The following IRX1 variants were observed in gnomAD, a reference collection of about 807,000 sequenced individuals.
IRX1 encodes the protein iroquois-class homeodomain protein IRX-1.
Under a neutral mutation model 34.1 loss-of-function variants are expected in IRX1, and 22 were observed. The observed-to-expected ratio is 0.64, with a 90% CI of 0.46 to 0.92. IRX1 has a LOEUF of 0.92. Ranked by LOEUF, IRX1 falls within the 40% of genes least tolerant of loss-of-function variation. The probability of loss-of-function intolerance (pLI) is 0.00; values close to 1 mark genes in which losing one functional copy is unlikely to be tolerated. For synonymous variants in IRX1, 363 were observed against 319.0 expected (o/e 1.14, Z -1.47); for missense variants, 758 against 680.0 (o/e 1.11, Z -1.28).
chr5:3,596,000 C>G lies in IRX1; in HGVS notation c.-106C>G. ...CGCGCCCGGCCGGCCGCCCGCTCCT[C>G]CCTAGACCCCTCGCGGCGCCCCCTG... On this transcript the variant is annotated 5_prime_UTR_variant, in exon 1 of 4. Coordinates refer to ENST00000302006, the MANE Select transcript of IRX1 (RefSeq NM_024337.4). 1.4e-6 allele frequency: 1 copy of G among 703,242 alleles called. No homozygotes were observed. The highest frequency in any genetic ancestry group is 1.7e-6 in the Non-Finnish European group (1 of 571,610). The allele number at this position is 703,242 out of a possible 1,614,324, so 43.6% of individuals were successfully genotyped here. A position where few individuals can be genotyped will look rare whatever the true frequency, so the allele number is the denominator to read the frequency against.
At position 3,596,354 on chromosome 5, in the gene IRX1, C is replaced by A. The variant is rs761551743; in HGVS notation, c.249C>A (p.Ala83=). The A allele has an allele frequency of 1.3e-6, 2 of 1,539,650 alleles. No individual in the cohort carries two copies. Among genetic ancestry groups the A allele is most frequent in the Non-Finnish European group, 1.7e-6 (2 of 1,147,746 alleles). Residue 83 remains alanine, a synonymous_variant, in exon 1 of 4, where the codon GCC becomes GCA. Coordinates refer to ENST00000302006, the MANE Select transcript of IRX1 (RefSeq NM_024337.4). The part of the protein sequence containing the change: ...APNYSAFLPY[A]ADLSLFSQMG... ...ACTACAGCGCCTTCCTGCCCTACGC[C>A]GCGGATCTCAGCCTCTTCTCGCAGA...
At chr5:3,600,503 T>C (rs1186483975) in intron 2 of IRX1, 106 bp from the exon 3 acceptor site, 5 of 1,090,162 alleles carry the variant, frequency 4.6e-6, no homozygotes, top group Middle Eastern at 4.1e-4. Flanking sequence ...GGTGACGTTT[T>C]TCGGCGAATC....
intron 3 of IRX1, 73 bp downstream of exon 3, chr5:3,600,754 G>C: frequency 7.0e-7 from 1 of 1,431,530 alleles, no homozygotes; most frequent in South Asian, 1.2e-5. Flanking sequence ...GGACCCGGGC[G>C]GAGCTGGCTG....
At position 3,599,916 on chromosome 5, in the gene IRX1, C is replaced by A; in HGVS notation, c.968C>A (p.Ala323Asp). Residue 323 changes from alanine to aspartate, a missense_variant, in exon 2 of 4, where the codon GCC (alanine) becomes GAC (aspartate). Transcript: ENST00000302006. The surrounding 1 kb of genome is among the most constrained non-coding windows in gnomAD (Gnocchi z 6.6). Reference sequence around the variant, plus strand: ...AAGATCTGGTCGCTGGCGGAGACAGCCACGAGCCCCGACGGTGCGCCCAAG... The same window carrying A: ...AAGATCTGGTCGCTGGCGGAGACAGACACGAGCCCCGACGGTGCGCCCAAG... Reference protein sequence around the residue: ...KPKIWSLAETATSPDGAPKAS... With the variant: ...KPKIWSLAETDTSPDGAPKAS... The A allele has an allele frequency of 6.8e-7, 1 of 1,473,714 alleles. No homozygotes were observed. The highest frequency in any genetic ancestry group is 9.0e-7 in the Non-Finnish European group (1 of 1,111,966). The allele number at this position is 1,473,714 out of a possible 1,614,324, so 91.3% of individuals were successfully genotyped here.
At chr5:3,600,715 C>A (rs888681034) in intron 3 of IRX1, 34 bp downstream of exon 3, 14 of 1,242,532 alleles carry the variant, frequency 1.1e-5, no homozygotes, top group Admixed American at 5.5e-5. Flanking sequence ...TGGGAGAAGG[C>A]GGTGGGGAGG....
At position 3,600,978 on chromosome 5, in the gene IRX1, T is replaced by C. The variant is rs1733950863; in HGVS notation, c.1386-5T>C. 6.2e-7 allele frequency: 1 copy of C among 1,610,938 alleles called. No homozygotes were observed. The highest frequency in any genetic ancestry group is 8.5e-7 in the Non-Finnish European group (1 of 1,178,626). ...TCTTCTTGTCTCGCTGTGTTTCCCA[T>C]GCAGCTCTCTGGCCCCGCAGGAGGG... On this transcript the variant is annotated splice_polypyrimidine_tract_variant and splice_region_variant and intron_variant, in intron 3 of 3. Transcript: ENST00000302006.
chr5:3,599,308 C>A lies in IRX1; in HGVS notation c.360C>A (p.Tyr120Ter). The A allele has an allele frequency of 6.2e-7, 1 of 1,614,106 alleles. No homozygotes were observed. Among genetic ancestry groups the A allele is most frequent in the Non-Finnish European group, 8.5e-7 (1 of 1,180,038 alleles). Residue 120 changes from tyrosine to a stop codon, truncating the protein, a stop_gained, in exon 2 of 4, where the codon TAC becomes TAA. Coordinates refer to ENST00000302006, the MANE Select transcript of IRX1 (RefSeq NM_024337.4). LOFTEE classifies it high-confidence loss of function. The surrounding 1 kb of genome is among the most constrained non-coding windows in gnomAD (Gnocchi z 6.6). ...ACACGGCGCCGGCTTATTACCCCTA[C>A]GGCCAGTTCCAATACGGGGACCCCG... ...AAHTAPAYYP[Y>*]GQFQYGDPGR...
In IRX1 at chr5:3,600,136, T is replaced by C; in HGVS notation, c.1188T>C (p.Ala396=). 2 of 1,613,100 alleles carry C rather than the reference T, an allele frequency of 1.2e-6. No homozygotes were observed. Among genetic ancestry groups the C allele is most frequent in the Non-Finnish European group, 1.7e-6 (2 of 1,179,884 alleles). Residue 396 remains alanine, a synonymous_variant, in exon 2 of 4, where the codon GCT becomes GCC. Coordinates refer to ENST00000302006, the MANE Select transcript of IRX1 (RefSeq NM_024337.4). ...TGCGCTCCTTCCTGGGCGTTGGCGC[T>C]CCCCACGCCGCGCCCCATGGCCCTC... ...LNMRSFLGVG[A]PHAAPHGPHL... is the part of the protein sequence containing the mutation.
At chr5:3,600,733 A>C (rs1033855733) in intron 3 of IRX1, 52 bp downstream of exon 3, 9 of 1,459,426 alleles carry the variant, frequency 6.2e-6, no homozygotes, top group African/African-American at 4.2e-5. Flanking sequence ...AGGGGGGAGG[A>C]GGAGTGGTCG....
rs777640998 is a variant in IRX1, at chr5:3,599,794, G to T, written c.846G>T (p.Leu282Phe). The change falls in exon 2 of 4, where the codon TTG becomes TTT. Residue 282 changes from leucine to phenylalanine, a missense_variant. Around this residue, in one of 3 missense-constraint regions of IRX1, gnomAD observed 529 missense variants for 418.8 expected, o/e 1.26. Coordinates refer to ENST00000302006, the MANE Select transcript of IRX1 (RefSeq NM_024337.4). The surrounding 1 kb of genome is among the most constrained non-coding windows in gnomAD (Gnocchi z 6.6). Reference protein sequence around the residue: ...ADVLKPQDSPLGLAKEAPEPG... With the variant: ...ADVLKPQDSPFGLAKEAPEPG... ...TTCTCAAGCCCCAGGACTCGCCCTT[G>T]GGCCTGGCAAAGGAGGCCCCAGAGC... 5.0e-6 allele frequency: 8 copies of T among 1,598,630 alleles called. No homozygotes were observed. In the Admixed American group the frequency reaches 1.4e-4, roughly 28 times the overall value.
At chr5:3,598,900 C>T (rs1381048523) in intron 1 of IRX1, among the ~76,000 whole-genome samples, 1 of 152,142 alleles carries the variant, frequency 6.6e-6, no homozygotes, top group Non-Finnish European at 1.5e-5. Context: ...GCAGGGGCCG[C>T]GGCCTCTGTT....
Position 3,600,110 on chromosome 5 carries a change from A to T in IRX1, c.1162A>T (p.Met388Leu), listed in dbSNP as rs766110747. The part of the protein sequence containing the change: ...AFLAQGSLLN[M>L]RSFLGVGAPH... The stretch of plus-strand genomic sequence containing the variant: ...CCTCGCACAGGGCTCCCTGCTCAAC[A>T]TGCGCTCCTTCCTGGGCGTTGGCGC... The change falls in exon 2 of 4, where the codon ATG becomes TTG. Residue 388 changes from methionine (M) to leucine (L), a missense_variant. Coordinates refer to ENST00000302006, the MANE Select transcript of IRX1 (RefSeq NM_024337.4). 1 of 1,613,304 alleles carries T rather than the reference A, an allele frequency of 6.2e-7. No homozygotes were observed.
Position 3,601,108 on chromosome 5 carries a change from G to A in IRX1, c.*68G>A, listed in dbSNP as rs1380482242. The A allele has an allele frequency of 3.0e-6, 4 of 1,345,334 alleles. No individual in the cohort carries two copies. The highest frequency in any genetic ancestry group is 2.9e-5 in the African/African-American group (2 of 69,870). The allele number at this position is 1,345,334 out of a possible 1,614,324, so 83.3% of individuals were successfully genotyped here. A position where few individuals can be genotyped will look rare whatever the true frequency, so the allele number is the denominator to read the frequency against. On this transcript the variant is annotated 3_prime_UTR_variant, in exon 4 of 4. Coordinates refer to ENST00000302006, the MANE Select transcript of IRX1 (RefSeq NM_024337.4). The stretch of plus-strand genomic sequence containing the variant: ...GTTGGGGAGGGAGGGAATGTGGGAG[G>A]AATTAAGACAAATATTTCAGACTGG...
In IRX1 at chr5:3,595,886, T is replaced by C. The variant is rs1473931725; in HGVS notation, c.-220T>C. ...GGCGGCCGCCGCAGTCGGCGCGCGA[T>C]TGCGGATCCGGGCGCAGCCGGGAGC... On this transcript the variant is annotated 5_prime_UTR_variant, in exon 1 of 4. Coordinates refer to ENST00000302006, the MANE Select transcript of IRX1 (RefSeq NM_024337.4). 6.6e-6 allele frequency among the ~76,000 whole-genome samples: 1 copy of C among 150,872 alleles called. No homozygotes were observed. Among genetic ancestry groups the C allele is most frequent in the Non-Finnish European group, 1.5e-5 (1 of 67,586 alleles).
chr5:3,599,913 C>A lies in IRX1; in HGVS notation c.965C>A (p.Thr322Lys). 1 of 1,473,794 alleles carries A rather than the reference C, an allele frequency of 6.8e-7. No homozygotes were observed. Among genetic ancestry groups the A allele is most frequent in the Non-Finnish European group, 9.0e-7 (1 of 1,112,284 alleles). The allele number at this position is 1,473,794 out of a possible 1,614,324, so 91.3% of individuals were successfully genotyped here. ...GKPKIWSLAE[T>K]ATSPDGAPKA... ...CCCAAGATCTGGTCGCTGGCGGAGA[C>A]AGCCACGAGCCCCGACGGTGCGCCC... The change falls in exon 2 of 4, where the codon ACA (threonine) becomes AAA (lysine). Residue 322 changes from threonine to lysine, a missense_variant. Physicochemically the swap from Thr to Lys is moderately conservative, Grantham distance 78. Transcript: ENST00000302006. This position sits in a 1 kb window ranked among gnomAD's most constrained non-coding sequence, Gnocchi z 6.6.
At chr5:3,600,817 C>T (rs1471034945) in intron 3 of IRX1, 136 bp downstream of exon 3, 11 of 1,155,854 alleles carry the variant, frequency 9.5e-6, no homozygotes, top group African/African-American at 1.5e-5. Flanking sequence ...CCCGCCAGCC[C>T]TGGGCGCCGG....
In IRX1 at chr5:3,599,931, G is replaced by C. The variant is rs757919761; in HGVS notation, c.983G>C (p.Gly328Ala). Reference protein sequence around the residue: ...SLAETATSPDGAPKASPPPPA... With the variant: ...SLAETATSPDAAPKASPPPPA... ...GCGGAGACAGCCACGAGCCCCGACG[G>C]TGCGCCCAAGGCTTCGCCACCACCA... is the stretch of plus-strand genomic sequence containing the variant. The change falls in exon 2 of 4, where the codon GGT (glycine) becomes GCT (alanine). Residue 328 changes from glycine to alanine, a missense_variant. Transcript: ENST00000302006. The surrounding 1 kb of genome is among the most constrained non-coding windows in gnomAD (Gnocchi z 6.6). 1.6e-4 allele frequency: 242 copies of C among 1,487,658 alleles called. No individual in the cohort carries two copies. The highest frequency in any genetic ancestry group is 1.4e-4 in the Non-Finnish European group (152 of 1,116,962). 92.2% of individuals were successfully genotyped at this position (1,487,658 alleles called of 1,614,324 possible). A position where few individuals can be genotyped will look rare whatever the true frequency, so the allele number is the denominator to read the frequency against.
Position 3,600,193 on chromosome 5 carries a change from G to C in IRX1, c.1245G>C (p.Pro415=), listed in dbSNP as rs753460625. 1.1e-5 allele frequency: 18 copies of C among 1,611,822 alleles called. No homozygotes were observed. The highest frequency in any genetic ancestry group is 6.7e-5 in the Admixed American group (4 of 59,964). Residue 415 remains proline, a synonymous_variant, in exon 2 of 4, where the codon CCG becomes CCC. Coordinates refer to ENST00000302006, the MANE Select transcript of IRX1 (RefSeq NM_024337.4). ...HLPAPPPPQP[P]VAIAPGALNG... ...CTGCACCTCCACCACCGCAGCCGCC[G>C]GTCGCTATTGCCCCGGGGGCACTCA...
At position 3,600,113 on chromosome 5, in the gene IRX1, C is replaced by T. The variant is rs866555845; in HGVS notation, c.1165C>T (p.Arg389Cys). 1.9e-6 allele frequency: 3 copies of T among 1,613,366 alleles called. No individual in the cohort carries two copies. Among genetic ancestry groups the T allele is most frequent in the Non-Finnish European group, 2.5e-6 (3 of 1,179,898 alleles). The part of the protein sequence containing the change: ...FLAQGSLLNM[R>C]SFLGVGAPHA... Reference sequence around the variant, plus strand: ...CGCACAGGGCTCCCTGCTCAACATGCGCTCCTTCCTGGGCGTTGGCGCTCC... The same window carrying T: ...CGCACAGGGCTCCCTGCTCAACATGTGCTCCTTCCTGGGCGTTGGCGCTCC... The change falls in exon 2 of 4, where the codon CGC becomes TGC. Residue 389 changes from arginine to cysteine, a missense_variant. Physicochemically the swap from Arg to Cys is radical, Grantham distance 180 (BLOSUM62 -3). Around this residue, in one of 3 missense-constraint regions of IRX1, gnomAD observed 529 missense variants for 418.8 expected, o/e 1.26. Transcript: ENST00000302006.
Sources: allele counts gnomAD v4.1 joint callset (sites outside exome capture counted in the v4.1 genomes callset), GRCh38; gene constraint gnomAD v4.1.1; regional missense constraint gnomAD v4.1.1; non-coding constraint Gnocchi (gnomAD v3.1); transcripts MANE v1.5; gene names NCBI Gene and HGNC (gene_info 2026-07-23, HGNC 2026-07-21).